Variants in NLRC4 observed in about 807,000 individuals in gnomAD.
NLRC4 encodes NLR family CARD domain-containing protein 4.
In NLRC4, 63 loss-of-function variants were observed where a neutral mutation model predicts 79.9. The observed-to-expected ratio is 0.79, with a 90% CI of 0.64 to 0.97. NLRC4 has a LOEUF of 0.97. Ranked by LOEUF, NLRC4 falls within the 50% of genes least tolerant of loss-of-function variation. The pLI is 0.00. For missense variants in NLRC4, 1,074 were observed against 1,215.2 expected, an observed-to-expected ratio of 0.88 and a Z score of 1.73; for synonymous variants, 461 against 456.5, an observed-to-expected ratio of 1.01 and a Z score of -0.12.
At chr2:32,237,365 T>C (rs536458623) in intron 6 of NLRC4, among the ~76,000 whole-genome samples, 2 of 152,354 alleles carry the variant, frequency 1.3e-5, no homozygotes, top group African/African-American at 4.8e-5. Context: ...GTACGTTTGC[T>C]ATTTGCAGTT....
At chr2:32,265,179 CTTTCTTT>C (rs1443255579), upstream of NLRC4, among the ~76,000 whole-genome samples, 1 of 151,468 alleles carries the variant, frequency 6.6e-6, no homozygotes, top group Non-Finnish European at 1.5e-5. Flanking sequence ...TTTTCTTTTT[CTTTCTTT>C]TTTCTTTTTT....
At chr2:32,260,612 C>T (rs992109688) in intron 1 of NLRC4, among the ~76,000 whole-genome samples, 1 of 152,174 alleles carries the variant, frequency 6.6e-6, no homozygotes, top group South Asian at 2.1e-4. Context: ...TATAGATAAG[C>T]TAAAAGCTTG....
At chr2:32,233,330 T>G (rs1686592394) in intron 8 of NLRC4, among the ~76,000 whole-genome samples, 1 of 39,418 alleles carries the variant, frequency 2.5e-5, no homozygotes, top group Non-Finnish European at 4.8e-5. Context: ...AATATATATA[T>G]ATATATATAT....
In NLRC4 at chr2:32,241,542, A is replaced by C. The variant is rs550654536; in HGVS notation, c.2258-417T>G. On this transcript the variant is annotated intron_variant, in intron 4 of 8. Coordinates refer to ENST00000402280, the MANE Select transcript of NLRC4 (RefSeq NM_001199138.2). ...CAGGCACCTGCCACCACGCCCGGCT[A>C]ATTTTTTTTGTATTTTTAGTAGAGA... 9.9e-5 allele frequency among the ~76,000 whole-genome samples: 15 copies of C among 151,882 alleles called. No individual in the cohort carries two copies. The East Asian group carries it at 1.6e-3, about 16-fold the overall frequency.
Position 32,252,405 on chromosome 2 carries a change from T to TAACTG in NLRC4, c.262+9_262+13dup. 1 of 1,592,218 alleles carries TAACTG rather than the reference T, an allele frequency of 6.3e-7. No individual in the cohort carries two copies. The highest frequency in any genetic ancestry group is 2.2e-5 in the East Asian group (1 of 44,768). ...CTACTTGCAGAAACAGATGCAAAAC[T>TAACTG]AACTGATACTTACTTTGTCCATTCA... On this transcript the variant is annotated intron_variant, in intron 3 of 8. Coordinates refer to ENST00000402280, the MANE Select transcript of NLRC4 (RefSeq NM_001199138.2).
chr2:32,246,603 C>T (rs1196502680), intron 4 of NLRC4, among the ~76,000 whole-genome samples: 1 of 152,160 alleles, frequency 6.6e-6, no homozygotes, highest in Non-Finnish European at 1.5e-5. Flanking sequence ...AGTTCCTGCT[C>T]GGGGCAACCA....
At chr2:32,242,410 T>C (rs1449036078) in intron 4 of NLRC4, among the ~76,000 whole-genome samples, 1 of 152,168 alleles carries the variant, frequency 6.6e-6, no homozygotes, top group Non-Finnish European at 1.5e-5. Context: ...TGACAACATA[T>C]ATGAAATTGA....
intron 8 of NLRC4, among the ~76,000 whole-genome samples, chr2:32,234,829 A>C (rs111242578): frequency 0.014 from 2,083 of 152,336 alleles, 52 homozygotes; most frequent in African/African-American, 0.046. Flanking sequence ...GAACCACAGA[A>C]ACTGTGAGAT....
Position 32,264,257 on chromosome 2 carries a change from AC to A in NLRC4, c.-119+480del, listed in dbSNP as rs763294246. ...AGACCAGTCTGGCCAACATGGTGAAACCCTGTCTCTACTAAAAATACAAAAA... is the reference window on the plus strand; with the variant it reads ...AGACCAGTCTGGCCAACATGGTGAAACCTGTCTCTACTAAAAATACAAAAA... On this transcript the variant is annotated intron_variant, in intron 1 of 8. Transcript: ENST00000402280. 8.1e-4 allele frequency among the ~76,000 whole-genome samples: 123 copies of A among 151,816 alleles called. 1 individual carries two copies. The Middle Eastern group carries it at 0.014, about 17-fold the overall frequency.
intron 8 of NLRC4, among the ~76,000 whole-genome samples, chr2:32,231,450 C>T (rs952628547): frequency 5.5e-4 from 84 of 152,056 alleles, no homozygotes; most frequent in African/African-American, 1.8e-3. Flanking sequence ...CCACCACGCC[C>T]GGCCATAAGA....
rs751230534 is a variant in NLRC4, at chr2:32,224,569, C to T, written c.2979G>A (p.Lys993=). The change falls in exon 9 of 9, where the codon AAG becomes AAA. Residue 993 remains lysine (K), a synonymous_variant. Transcript: ENST00000402280. ...GCCTAGCTTCTTGCAGAAAAGTTAACTTGGATAACACTTGGCTAAGTTTTC... is the reference window on the plus strand; with the variant it reads ...GCCTAGCTTCTTGCAGAAAAGTTAATTTGGATAACACTTGGCTAAGTTTTC... ...LVRKLSQVLS[K]LTFLQEARLV... is the part of the protein sequence containing the mutation. The T allele has an allele frequency of 6.2e-7, 1 of 1,613,892 alleles. No individual in the cohort carries two copies. The highest frequency in any genetic ancestry group is 2.2e-5 in the East Asian group (1 of 44,876).
Position 32,261,316 on chromosome 2 carries a change from C to CCCTTTTTTTTTTTTTTTT in NLRC4, c.-119+3421_-119+3422insAAAAAAAAAAAAAAAAGG. On this transcript the variant is annotated intron_variant, in intron 1 of 8. Transcript: ENST00000402280. ...TTCTTTCGCCTATTAAGCCTCCCCCCTTTTGTTTTTTTTTGAGATGGAGCC... is the reference window on the plus strand; with the variant it reads ...TTCTTTCGCCTATTAAGCCTCCCCCCCCTTTTTTTTTTTTTTTTTTTTGTTTTTTTTTGAGATGGAGCC... 2.6e-4 allele frequency among the ~76,000 whole-genome samples: 25 copies of CCCTTTTTTTTTTTTTTTT among 96,900 alleles called. 2 individuals are homozygous for CCCTTTTTTTTTTTTTTTT. The highest frequency in any genetic ancestry group is 3.1e-4 in the Non-Finnish European group (15 of 48,092). 63.6% of individuals were successfully genotyped at this position (96,900 alleles called of 152,430 possible).
chr2:32,233,349 A>ATATATATATATATATTT (rs1418146489), intron 8 of NLRC4, among the ~76,000 whole-genome samples: 5 of 41,096 alleles, frequency 1.2e-4, no homozygotes, highest in Non-Finnish European at 1.3e-4. Context: ...ATATATATAT[A>ATATATATATATATATTT]TTTTTTTTTT....
chr2:32,238,883 T>A (rs902099776), intron 5 of NLRC4, among the ~76,000 whole-genome samples: 2 of 152,246 alleles, frequency 1.3e-5, no homozygotes, highest in African/African-American at 2.4e-5. Flanking sequence ...TCCCCCGTTC[T>A]TAAGTCTAAA....
In NLRC4 at chr2:32,224,599, T is replaced by C; in HGVS notation, c.2949A>G (p.Leu983=). Residue 983 remains leucine, a synonymous_variant, in exon 9 of 9, where the codon TTA becomes TTG. Coordinates refer to ENST00000402280, the MANE Select transcript of NLRC4 (RefSeq NM_001199138.2). ...STKEFLPDPA[L]VRKLSQVLSK... is the part of the protein sequence containing the mutation. ...ATAACACTTGGCTAAGTTTTCTGACTAATGCTGGATCAGGTAGAAATTCTT... is the reference window on the plus strand; with the variant it reads ...ATAACACTTGGCTAAGTTTTCTGACCAATGCTGGATCAGGTAGAAATTCTT... 6.2e-7 allele frequency: 1 copy of C among 1,613,914 alleles called. No homozygotes were observed. The highest frequency in any genetic ancestry group is 8.5e-7 in the Non-Finnish European group (1 of 1,179,820).
intron 4 of NLRC4, among the ~76,000 whole-genome samples, chr2:32,243,219 G>A (rs1384099381): frequency 6.6e-6 from 1 of 151,786 alleles, no homozygotes; most frequent in African/African-American, 2.4e-5. Context: ...CACCAGCCTG[G>A]CCAACATGGT....
At position 32,224,772 on chromosome 2, in the gene NLRC4, A is replaced by T; in HGVS notation, c.2783-7T>A. On this transcript the variant is annotated splice_polypyrimidine_tract_variant and splice_region_variant and intron_variant, in intron 8 of 8. Coordinates refer to ENST00000402280, the MANE Select transcript of NLRC4 (RefSeq NM_001199138.2). The stretch of plus-strand genomic sequence containing the variant: ...TTCTTTCCAAAAAATGCACCTGGGT[A>T]AAGAAATAAGTATATTAGTTGGAAG... 1 of 1,537,952 alleles carries T rather than the reference A, an allele frequency of 6.5e-7. No individual in the cohort carries two copies. Among genetic ancestry groups the T allele is most frequent in the South Asian group, 1.2e-5 (1 of 80,328 alleles).
At position 32,233,567 on chromosome 2, in the gene NLRC4, T is replaced by C. The variant is rs181492370; in HGVS notation, c.2782+1834A>G. ...TGTCATTCCAGAGCATGTTGTTTAA[T>C]TTCCATATGTTTGTATAGTTTCCAA... On this transcript the variant is annotated intron_variant, in intron 8 of 8. Transcript: ENST00000402280. Among the ~76,000 whole-genome samples, 70 of 152,048 alleles carry C rather than the reference T, an allele frequency of 4.6e-4. 2 individuals are homozygous for C. In the East Asian group the frequency reaches 0.012, roughly 27 times the overall value.
intron 8 of NLRC4, among the ~76,000 whole-genome samples, chr2:32,230,054 G>A (rs779002422): frequency 9.2e-5 from 14 of 152,290 alleles, no homozygotes; most frequent in Admixed American, 2.0e-4. Flanking sequence ...GAGGGAGTCA[G>A]TAACAAGAGG....
Sources: allele counts gnomAD v4.1 joint callset (sites outside exome capture counted in the v4.1 genomes callset), GRCh38; gene constraint gnomAD v4.1.1; transcripts MANE v1.5; gene names NCBI Gene and HGNC (gene_info 2026-07-23, HGNC 2026-07-21).